Variants in RFT1 observed in about 807,000 individuals in gnomAD.
The protein encoded by RFT1 is RFT1 glycolipid translocator homolog.
Under a neutral mutation model 62.2 loss-of-function variants are expected in RFT1, and 43 were observed. That is an observed-to-expected ratio of 0.69 (90% CI 0.54 to 0.89). The LOEUF is 0.89. RFT1 is among the 40% of genes least tolerant of loss of function. The pLI is 0.00. For missense variants in RFT1, 605 were observed against 649.9 expected (o/e 0.93, Z 0.75); for synonymous variants, 262 against 264.6 (o/e 0.99, Z 0.10).
intron 6 of RFT1, among the ~76,000 whole-genome samples, chr3:53,117,155 A>G (rs998878925): frequency 1.3e-5 from 2 of 152,226 alleles, no homozygotes; most frequent in Non-Finnish European, 2.9e-5. Flanking sequence ...AATGGAGCTA[A>G]CAGTATTTAT....
intron 9 of RFT1, among the ~76,000 whole-genome samples, chr3:53,105,378 C>T (rs1361445747): frequency 1.3e-5 from 2 of 151,080 alleles, no homozygotes; most frequent in Admixed American, 6.6e-5. Context: ...CATGCCACTG[C>T]ACTCCAGGCT....
chr3:53,068,848 T>A, the RFT1 span, among the ~76,000 whole-genome samples: 2 of 152,214 alleles, frequency 1.3e-5, no homozygotes, highest in Non-Finnish European at 2.9e-5. Flanking sequence ...ATACGACCAT[T>A]CTGGTTTTCA....
intron 5 of RFT1, among the ~76,000 whole-genome samples, 189 bp downstream of exon 5, chr3:53,121,510 C>T (rs932071478): frequency 1.3e-5 from 2 of 152,192 alleles, no homozygotes; most frequent in African/African-American, 2.4e-5. Context: ...GAAACACCTA[C>T]GGTCTCAGTG....
chr3:53,073,837 C>T, the RFT1 span, among the ~76,000 whole-genome samples: 1 of 152,168 alleles, frequency 6.6e-6, no homozygotes, highest in Non-Finnish European at 1.5e-5. Flanking sequence ...TGCGGGAGAC[C>T]ACAAAGCTCT....
chr3:53,092,209 C>T, intron 12 of RFT1, 139 bp from the exon 13 acceptor site: 1 of 1,400,550 alleles, frequency 7.1e-7, no homozygotes. Flanking sequence ...TCCATTGTTT[C>T]CCCATTGGCA....
At chr3:53,080,700 T>G in the RFT1 span, among the ~76,000 whole-genome samples, 1 of 152,198 alleles carries the variant, frequency 6.6e-6, no homozygotes, top group South Asian at 2.1e-4. Context: ...ACCTACCTCC[T>G]CTCACTCCTT....
chr3:53,091,711 A>G lies in RFT1; in HGVS notation c.*192T>C. ...CTTTTGGTCTTCACTTAAAAATGAA[A>G]CTCCCCCCCCGCATTTCAGACTTCG... On this transcript the variant is annotated 3_prime_UTR_variant, in exon 13 of 13. Coordinates refer to ENST00000296292, the MANE Select transcript of RFT1 (RefSeq NM_052859.4). The G allele has an allele frequency of 1.6e-6, 1 of 639,948 alleles. No homozygotes were observed. Among genetic ancestry groups the G allele is most frequent in the Non-Finnish European group, 2.8e-6 (1 of 357,286 alleles). The allele number at this position is 639,948 out of a possible 1,614,324, so 39.6% of individuals were successfully genotyped here.
downstream of RFT1, among the ~76,000 whole-genome samples, chr3:53,087,130 G>C (rs1270804195): frequency 6.6e-6 from 1 of 152,156 alleles, no homozygotes; most frequent in Admixed American, 6.5e-5. Context: ...CCCAGCTACT[G>C]GGAGGCTGAG....
In RFT1 at chr3:53,106,885, C is replaced by A. The variant is rs1701493016; in HGVS notation, c.776-16G>T. 6.2e-7 allele frequency: 1 copy of A among 1,601,076 alleles called. No individual in the cohort carries two copies. Among genetic ancestry groups the A allele is most frequent in the Non-Finnish European group, 8.6e-7 (1 of 1,168,736 alleles). On this transcript the variant is annotated splice_polypyrimidine_tract_variant and intron_variant, in intron 7 of 12. Transcript: ENST00000296292. ...TATCGCTCGCCTATAAACAAAAAAG[C>A]AAAATAATTAGCAATGTCAAATGCA...
At chr3:53,098,645 AC>A (rs773786968) in intron 11 of RFT1, among the ~76,000 whole-genome samples, 6 of 152,038 alleles carry the variant, frequency 3.9e-5, no homozygotes, top group Non-Finnish European at 8.8e-5. Context: ...TACTAAAAAT[AC>A]AAAAAATTAG....
intron 7 of RFT1, among the ~76,000 whole-genome samples, chr3:53,107,259 C>G (rs899604803): frequency 5.3e-5 from 8 of 151,814 alleles, no homozygotes; most frequent in African/African-American, 7.3e-5. Flanking sequence ...CCTCAGTCTC[C>G]CGAGCAGCTG....
chr3:53,073,363 C>A, the RFT1 span, among the ~76,000 whole-genome samples: 11 of 152,342 alleles, frequency 7.2e-5, no homozygotes, highest in East Asian at 5.8e-4. Context: ...TGGACACCCC[C>A]ACCTGTGCCG....
chr3:53,118,229 T>C (rs1701863772), intron 6 of RFT1, among the ~76,000 whole-genome samples: 1 of 152,148 alleles, frequency 6.6e-6, no homozygotes, highest in South Asian at 2.1e-4. Context: ...AGGCCCAGTA[T>C]GAAAATCTGC....
chr3:53,082,993 C>T, the RFT1 span, among the ~76,000 whole-genome samples: 8 of 148,530 alleles, frequency 5.4e-5, no homozygotes, highest in African/African-American at 1.2e-4. Context: ...GTCAGGAGTT[C>T]AAGACCAGCC....
downstream of RFT1, among the ~76,000 whole-genome samples, chr3:53,085,590 G>C (rs576054221): frequency 1.3e-3 from 193 of 152,322 alleles, 1 homozygote; most frequent in South Asian, 4.8e-3. Flanking sequence ...ATACGATTGT[G>C]TTCAACATGG....
At chr3:53,108,676 C>T (rs1259946983) in intron 7 of RFT1, among the ~76,000 whole-genome samples, 2 of 151,958 alleles carry the variant, frequency 1.3e-5, no homozygotes, top group Non-Finnish European at 2.9e-5. Flanking sequence ...AGCCAACACA[C>T]CCAGCTTGCT....
intron 11 of RFT1, among the ~76,000 whole-genome samples, chr3:53,094,135 GCACATT>G (rs1490403802): frequency 1.3e-5 from 2 of 151,940 alleles, no homozygotes; most frequent in Non-Finnish European, 2.9e-5. Flanking sequence ...TGTAATCCCA[GCACATT>G]GGGAGGTTGA....
chr3:53,120,015 A>G lies in RFT1; in HGVS notation c.565T>C (p.Tyr189His). The change falls in exon 6 of 13, where the codon TAT (tyrosine) becomes CAT (histidine). Residue 189 changes from tyrosine (Y) to histidine (H), a missense_variant. Coordinates refer to ENST00000296292, the MANE Select transcript of RFT1 (RefSeq NM_052859.4). ...TAGCAGAGCACCAGAACTGTGGTAT[A>G]GAAAAGCTGAGAAAAAAAATAAACT... ...LYIFSLAQLF[Y>H]TTVLVLCYVI... 1 of 1,590,218 alleles carries G rather than the reference A, an allele frequency of 6.3e-7. No homozygotes were observed.
chr3:53,098,524 T>C (rs186108354), intron 11 of RFT1, among the ~76,000 whole-genome samples: 171 of 151,880 alleles, frequency 1.1e-3, no homozygotes, highest in South Asian at 1.7e-3. Context: ...CCCATGAGGC[T>C]GGGCACGGTG....
Sources: allele counts gnomAD v4.1 joint callset (sites outside exome capture counted in the v4.1 genomes callset), GRCh38; gene constraint gnomAD v4.1.1; transcripts MANE v1.5; gene names NCBI Gene and HGNC (gene_info 2026-07-23, HGNC 2026-07-21).